Variants in UCK2 observed in about 807,000 individuals in gnomAD.
UCK2 encodes uridine-cytidine kinase 2.
Under a neutral mutation model 30.8 loss-of-function variants are expected in UCK2, and 6 were observed. The ratio of observed to expected loss-of-function variants is 0.19; its 90% CI spans 0.11 to 0.38. The LOEUF is 0.38. UCK2 is among the 10% of genes least tolerant of loss of function. UCK2 has a pLI of 1.00. For missense variants in UCK2, 210 were observed against 339.8 expected, an observed-to-expected ratio of 0.62 and a Z score of 3.00; for synonymous variants, 125 against 133.6, an observed-to-expected ratio of 0.94 and a Z score of 0.45.
chr1:165,894,785 G>A (rs1289029647), intron 3 of UCK2, among the ~76,000 whole-genome samples: 1 of 152,058 alleles, frequency 6.6e-6, no homozygotes, highest in Non-Finnish European at 1.5e-5. Context: ...AAGTGTTTAT[G>A]GGAAGGAGTT....
At chr1:165,852,540 G>A (rs1654623471) in intron 1 of UCK2, among the ~76,000 whole-genome samples, 1 of 152,198 alleles carries the variant, frequency 6.6e-6, no homozygotes, top group South Asian at 2.1e-4. Flanking sequence ...AGTCAGAATG[G>A]CGATTATTAA....
At chr1:165,895,525 G>T in intron 3 of UCK2, 1 of 985,470 alleles carries the variant, frequency 1.0e-6, no homozygotes, top group Non-Finnish European at 1.2e-6. Flanking sequence ...CTGCTTTATT[G>T]ATAAGGAAGA....
chr1:165,901,383 A>G (rs773177318), intron 4 of UCK2, among the ~76,000 whole-genome samples: 2 of 152,048 alleles, frequency 1.3e-5, no homozygotes, highest in African/African-American at 2.4e-5. Context: ...CATCTTATAG[A>G]TTTCCTGTCA....
intron 1 of UCK2, among the ~76,000 whole-genome samples, chr1:165,856,036 A>G (rs1313627676): frequency 6.6e-6 from 1 of 152,154 alleles, no homozygotes; most frequent in Non-Finnish European, 1.5e-5. Context: ...TAGGTATGAA[A>G]ATATATATAA....
intron 1 of UCK2, among the ~76,000 whole-genome samples, chr1:165,888,642 CTTTTTTTTT>C (rs60874109): frequency 2.3e-4 from 16 of 71,068 alleles, no homozygotes; most frequent in African/African-American, 9.2e-4. Flanking sequence ...CTTTCTTCTT[CTTTTTTTTT>C]TTTTTTTTTT....
chr1:165,904,181 T>A (rs1229778452), intron 5 of UCK2: 2 of 152,252 alleles, frequency 1.3e-5, no homozygotes, highest in African/African-American at 4.8e-5. Context: ...AGGCTGGGTA[T>A]TGGAATTTCC....
intron 4 of UCK2, chr1:165,902,675 G>A (rs551028203): frequency 7.2e-6 from 1 of 138,554 alleles, no homozygotes; most frequent in East Asian, 2.2e-4. Context: ...TGGGTCCTCA[G>A]CCTGGCCTGG....
At chr1:165,843,591 A>G (rs1013136466) in intron 1 of UCK2, among the ~76,000 whole-genome samples, 3 of 152,122 alleles carry the variant, frequency 2.0e-5, no homozygotes, top group Non-Finnish European at 2.9e-5. Context: ...CAGCCTGTCA[A>G]CATAGTAGAA....
intron 3 of UCK2, chr1:165,895,402 A>C: frequency 2.2e-6 from 2 of 894,434 alleles, no homozygotes; most frequent in Non-Finnish European, 2.7e-6. Flanking sequence ...TGGGTGACAA[A>C]GTGAGACCCT....
At chr1:165,849,017 G>A (rs1654525699) in intron 1 of UCK2, among the ~76,000 whole-genome samples, 2 of 152,200 alleles carry the variant, frequency 1.3e-5, no homozygotes, top group East Asian at 1.9e-4. Context: ...AGTTTGGGAG[G>A]CTGAGGTGGG....
chr1:165,898,203 A>C (rs1349676850), intron 4 of UCK2, among the ~76,000 whole-genome samples: 2 of 152,214 alleles, frequency 1.3e-5, no homozygotes, highest in African/African-American at 4.8e-5. Flanking sequence ...TTTAGAGTCC[A>C]GCGAATTGGG....
chr1:165,904,099 G>A (rs1647570676), intron 5 of UCK2: 1 of 152,186 alleles, frequency 6.6e-6, no homozygotes, highest in Non-Finnish European at 1.5e-5. Flanking sequence ...GAAGAGCTTG[G>A]GACTTAACCT....
chr1:165,855,260 G>A (rs1283312707), intron 1 of UCK2, among the ~76,000 whole-genome samples: 1 of 152,190 alleles, frequency 6.6e-6, no homozygotes, highest in African/African-American at 2.4e-5. Flanking sequence ...GTTATATAAT[G>A]TATTAGGCTT....
At chr1:165,851,297 CCACAAGCACAGATTCTCAGCCTCTTG>C (rs1376380597) in intron 1 of UCK2, among the ~76,000 whole-genome samples, 2 of 152,204 alleles carry the variant, frequency 1.3e-5, no homozygotes, top group African/African-American at 4.8e-5. Flanking sequence ...CTGGCTTCGC[CCACAAGCACAGATTCTCAGCCTCTTG>C]CCTTTGTCTA....
chr1:165,866,070 G>A lies in UCK2; in HGVS notation c.100-24134G>A, dbSNP rs77351444. On this transcript the variant is annotated intron_variant, in intron 1 of 6. Coordinates refer to ENST00000367879, the MANE Select transcript of UCK2 (RefSeq NM_012474.5). ...AAGAAGGGGAGGAGCAGGGAGCAAA[G>A]GTACTTTCAGGGAGCAGTATTTTAA... Among the ~76,000 whole-genome samples, 1,466 of 152,014 alleles carry A rather than the reference G, an allele frequency of 9.6e-3. 34 individuals carry two copies. The highest frequency in any genetic ancestry group is 0.051 in the Admixed American group (778 of 15,242).
intron 1 of UCK2, among the ~76,000 whole-genome samples, chr1:165,855,410 A>G (rs1557836669): frequency 6.6e-6 from 1 of 151,986 alleles, no homozygotes; most frequent in Non-Finnish European, 1.5e-5. Flanking sequence ...GACAGCTCAC[A>G]CAGTTTTTTT....
At chr1:165,852,576 C>T (rs557212141) in intron 1 of UCK2, among the ~76,000 whole-genome samples, 3 of 152,142 alleles carry the variant, frequency 2.0e-5, no homozygotes, top group Admixed American at 6.5e-5. Context: ...TGGATGCTGA[C>T]GAGACTGTGG....
At chr1:165,891,348 A>T (rs569209178) in intron 3 of UCK2, 26 bp downstream of exon 3, 1 of 1,604,934 alleles carries the variant, frequency 6.2e-7, no homozygotes, top group African/African-American at 1.3e-5. Flanking sequence ...TGGGCCAGGG[A>T]TGGCACCCAC....
chr1:165,863,433 A>G (rs1025474638), intron 1 of UCK2, among the ~76,000 whole-genome samples: 8 of 152,312 alleles, frequency 5.3e-5, no homozygotes, highest in Admixed American at 5.2e-4. Context: ...TTTGTTAAGC[A>G]GATCTTCAGT....
Sources: gnomAD v4.1 joint callset for allele counts (sites outside exome capture counted in the v4.1 genomes callset) on GRCh38, gnomAD v4.1.1 for gene constraint, MANE v1.5 for transcripts, NCBI Gene and HGNC (gene_info 2026-07-23, HGNC 2026-07-21) for gene names.